The following AK5 variants were observed in gnomAD, a reference collection of about 807,000 sequenced individuals.
AK5 encodes adenylate kinase 5.
In AK5, 27 loss-of-function variants were observed where a neutral mutation model predicts 69.5. The ratio of observed to expected loss-of-function variants is 0.39; its 90% confidence interval spans 0.29 to 0.54. AK5 has a LOEUF of 0.54. AK5 is among the 20% of genes least tolerant of loss of function. The probability of loss-of-function intolerance (pLI) is 0.71; values close to 1 mark genes in which losing one functional copy is unlikely to be tolerated. For synonymous variants in AK5, 260 were observed against 244.4 expected (o/e 1.06, Z -0.60); for missense variants, 531 against 700.4 (o/e 0.76, Z 2.73).
intron 6 of AK5, among the ~76,000 whole-genome samples, chr1:77,352,430 A>G (rs1456726544): frequency 2.0e-5 from 3 of 152,204 alleles, no homozygotes; most frequent in Admixed American, 2.0e-4. Context: ...GCCAGTAAAC[A>G]AGGGAGCTGA....
intron 6 of AK5, among the ~76,000 whole-genome samples, chr1:77,369,115 A>C (rs1438329413): frequency 6.6e-6 from 1 of 152,174 alleles, no homozygotes; most frequent in African/African-American, 2.4e-5. Flanking sequence ...AAAAAATAAA[A>C]TTATATTTTA....
At chr1:77,491,386 A>G (rs976804309) in intron 10 of AK5, among the ~76,000 whole-genome samples, 2 of 133,758 alleles carry the variant, frequency 1.5e-5, no homozygotes, top group African/African-American at 5.7e-5. Flanking sequence ...GGCTCACTGC[A>G]ACCTCCGCCT....
chr1:77,497,265 C>T (rs900177129), intron 10 of AK5, among the ~76,000 whole-genome samples: 7 of 151,936 alleles, frequency 4.6e-5, no homozygotes, highest in African/African-American at 1.2e-4. Flanking sequence ...ATGAACCCAC[C>T]GGGAGGAACA....
At chr1:77,421,110 G>T (rs1346660091) in intron 8 of AK5, among the ~76,000 whole-genome samples, 1 of 152,192 alleles carries the variant, frequency 6.6e-6, no homozygotes, top group Non-Finnish European at 1.5e-5. Context: ...GATTTGACCT[G>T]CAGGCCATAG....
At chr1:77,380,227 G>A (rs1320442995) in intron 6 of AK5, among the ~76,000 whole-genome samples, 1 of 152,136 alleles carries the variant, frequency 6.6e-6, no homozygotes, top group Non-Finnish European at 1.5e-5. Flanking sequence ...GGGGTGACAG[G>A]CAAAACCCAA....
intron 8 of AK5, among the ~76,000 whole-genome samples, chr1:77,453,039 C>T (rs1199380096): frequency 1.3e-5 from 2 of 152,176 alleles, no homozygotes; most frequent in South Asian, 2.1e-4. Context: ...ATCATTTATC[C>T]ACTGCCAAGC....
At chr1:77,419,658 A>G (rs904090376) in intron 8 of AK5, among the ~76,000 whole-genome samples, 6 of 132,286 alleles carry the variant, frequency 4.5e-5, no homozygotes, top group Non-Finnish European at 9.8e-5. Context: ...AATAAAACAC[A>G]GAGCTAAATA....
chr1:77,362,282 C>T (rs998321507), intron 6 of AK5, among the ~76,000 whole-genome samples: 2 of 152,104 alleles, frequency 1.3e-5, no homozygotes, highest in African/African-American at 4.8e-5. Flanking sequence ...TTTTTAAAAA[C>T]GTTTTTGCAT....
intron 6 of AK5, among the ~76,000 whole-genome samples, chr1:77,380,438 T>G (rs1288238310): frequency 6.6e-6 from 1 of 152,158 alleles, no homozygotes; most frequent in African/African-American, 2.4e-5. Flanking sequence ...TCCAACCAGT[T>G]GCACTCTACC....
At chr1:77,473,710 A>G (rs994054420) in intron 8 of AK5, among the ~76,000 whole-genome samples, 5 of 152,210 alleles carry the variant, frequency 3.3e-5, no homozygotes, top group African/African-American at 7.2e-5. Context: ...TCTGTTAGTC[A>G]TTTGGGTGCA....
chr1:77,433,044 GT>G (rs1557589798), intron 8 of AK5, among the ~76,000 whole-genome samples: 2 of 152,124 alleles, frequency 1.3e-5, no homozygotes. Flanking sequence ...CTTTTTTCGG[GT>G]ATGAGACTTG....
At chr1:77,440,147 T>C (rs1218082348) in intron 8 of AK5, among the ~76,000 whole-genome samples, 2 of 152,154 alleles carry the variant, frequency 1.3e-5, no homozygotes, top group South Asian at 4.1e-4. Flanking sequence ...CCCTTGAGCA[T>C]TTCTTGTGAA....
chr1:77,300,745 C>T (rs1659296422), intron 5 of AK5, among the ~76,000 whole-genome samples: 1 of 152,100 alleles, frequency 6.6e-6, no homozygotes, highest in Admixed American at 6.6e-5. Flanking sequence ...ACATCAGTTG[C>T]AAGTCCCAGC....
chr1:77,379,899 A>G (rs1236814009), intron 6 of AK5, among the ~76,000 whole-genome samples: 2 of 152,200 alleles, frequency 1.3e-5, no homozygotes, highest in Non-Finnish European at 2.9e-5. Flanking sequence ...TTGAAAGCCA[A>G]TGGGGTCTAA....
chr1:77,493,027 G>A (rs17380544), intron 10 of AK5, among the ~76,000 whole-genome samples: 49,560 of 152,010 alleles, frequency 0.33, 8,334 homozygotes, highest in South Asian at 0.44. Flanking sequence ...AAGTGAAATC[G>A]GGCAGCTCAT....
intron 8 of AK5, among the ~76,000 whole-genome samples, chr1:77,440,642 C>T (rs1652265904): frequency 1.3e-5 from 2 of 152,078 alleles, no homozygotes; most frequent in South Asian, 4.1e-4. Context: ...TTAATGGTGT[C>T]CCATAAGTCT....
intron 6 of AK5, chr1:77,340,926 T>C (rs545863051): frequency 9.9e-5 from 18 of 180,940 alleles, no homozygotes; most frequent in Non-Finnish European, 1.9e-4. Flanking sequence ...CCTAACAAAA[T>C]TGATAGACTT....
chr1:77,320,259 C>G (rs1253558760), intron 5 of AK5, among the ~76,000 whole-genome samples: 1 of 152,104 alleles, frequency 6.6e-6, no homozygotes, highest in Non-Finnish European at 1.5e-5. Flanking sequence ...CCTACCTTGA[C>G]ACGTGGAGAT....
chr1:77,556,978 C>T (rs1379902503), intron 13 of AK5, among the ~76,000 whole-genome samples: 2 of 149,318 alleles, frequency 1.3e-5, no homozygotes, highest in Non-Finnish European at 3.0e-5. Context: ...AACCCTCTAC[C>T]TTTTTTTTTT....
Sources: allele counts gnomAD v4.1 joint callset (sites outside exome capture counted in the v4.1 genomes callset), GRCh38; gene constraint gnomAD v4.1.1; transcripts MANE v1.5; gene names NCBI Gene and HGNC (gene_info 2026-07-23, HGNC 2026-07-21).